Variants in OSBPL10 observed in about 807,000 individuals in gnomAD.
OSBPL10 encodes oxysterol-binding protein-related protein 10.
In OSBPL10, 49 loss-of-function variants were observed where a neutral mutation model predicts 81.7. The ratio of observed to expected loss-of-function variants is 0.60; its 90% confidence interval spans 0.48 to 0.76. The LOEUF (loss-of-function observed/expected upper bound fraction) is 0.76. Among genes scored for constraint, OSBPL10 ranks in the 30% least tolerant of loss-of-function variants. The pLI is 0.00. For missense variants in OSBPL10, 923 were observed against 987.8 expected, an observed-to-expected ratio of 0.93 and a Z score of 0.88; for synonymous variants, 419 against 383.6, an observed-to-expected ratio of 1.09 and a Z score of -1.08.
intron 4 of OSBPL10, among the ~76,000 whole-genome samples, chr3:31,772,508 A>G (rs1404898897): frequency 6.6e-6 from 1 of 152,236 alleles, no homozygotes; most frequent in Admixed American, 6.5e-5. Flanking sequence ...AATGAGGCCC[A>G]AAAGTGGTAA....
chr3:31,676,328 A>G (rs1700474280), intron 8 of OSBPL10, among the ~76,000 whole-genome samples: 1 of 152,060 alleles, frequency 6.6e-6, no homozygotes, highest in Non-Finnish European at 1.5e-5. Context: ...ACATATTAAA[A>G]TTAGACTTAC....
At chr3:31,911,262 A>G (rs1696569220) in intron 1 of OSBPL10, among the ~76,000 whole-genome samples, 2 of 152,176 alleles carry the variant, frequency 1.3e-5, no homozygotes, top group African/African-American at 4.8e-5. Flanking sequence ...CTGATACCAC[A>G]CAAAAGTAGC....
chr3:31,788,769 C>A (rs1364681941), intron 4 of OSBPL10, among the ~76,000 whole-genome samples: 1 of 151,544 alleles, frequency 6.6e-6, no homozygotes, highest in Non-Finnish European at 1.5e-5. Flanking sequence ...CAAAGTGAGA[C>A]CTTGCCTCTA....
chr3:31,712,894 AG>A (rs1158779068), intron 6 of OSBPL10, among the ~76,000 whole-genome samples: 2 of 150,106 alleles, frequency 1.3e-5, no homozygotes, highest in Non-Finnish European at 3.0e-5. Flanking sequence ...CTTGGCCAAA[AG>A]CCTTGGCACC....
At chr3:31,716,955 G>A (rs1224747169) in intron 6 of OSBPL10, 1 of 152,070 alleles carries the variant, frequency 6.6e-6, no homozygotes, top group Non-Finnish European at 1.5e-5. Flanking sequence ...ACTCTCCAAT[G>A]GAAATTTCTG....
rs35027814 is a variant in OSBPL10, at chr3:31,961,047, C to CT, written c.281+19851dup. Among the ~76,000 whole-genome samples, 212 of 112,982 alleles carry CT rather than the reference C, an allele frequency of 1.9e-3. 1 individual carries two copies. Among genetic ancestry groups the CT allele is most frequent in the Admixed American group, 2.7e-3 (28 of 10,290 alleles). 74.1% of individuals were successfully genotyped at this position (112,982 alleles called of 152,430 possible). On this transcript the variant is annotated intron_variant, in intron 1 of 11. Coordinates refer to ENST00000396556, the MANE Select transcript of OSBPL10 (RefSeq NM_017784.5). ...CAATGTTTAACCAAGAAGCTACAGC[C>CT]TTTTTTTTTTTTTTTTTTTTTTTAA...
At chr3:31,792,858 CTCTGTGTGTGTGTGTG>C (rs1469203419) in intron 4 of OSBPL10, among the ~76,000 whole-genome samples, 4 of 86,042 alleles carry the variant, frequency 4.6e-5, no homozygotes, top group African/African-American at 1.2e-4. Context: ...TATCTAGGCA[CTCTGTGTGTGTGTGTG>C]TGTGTGTGTG....
At chr3:32,038,559 T>C (rs1039410733) in intron 2 of OSBPL10, among the ~76,000 whole-genome samples, 9 of 152,122 alleles carry the variant, frequency 5.9e-5, no homozygotes, top group African/African-American at 1.9e-4. Context: ...TGGCCTCAAG[T>C]GATCCATCCA....
rs1048319563 is a variant in OSBPL10, at chr3:31,783,111, T to TTTTA, written c.730-34992_730-34991insTAAA. Among the ~76,000 whole-genome samples the TTTTA allele has an allele frequency of 1.1e-3, 130 of 121,646 alleles. 1 individual carries two copies. The highest frequency in any genetic ancestry group is 4.4e-3 in the African/African-American group (120 of 27,286). The allele number at this position is 121,646 out of a possible 152,430, so 79.8% of individuals were successfully genotyped here. On this transcript the variant is annotated intron_variant, in intron 4 of 11. Coordinates refer to ENST00000396556, the MANE Select transcript of OSBPL10 (RefSeq NM_017784.5). ...GGATATATCTATATCAATATATCTA[T>TTTTA]TATATATATATATATATATATATAT...
At chr3:32,072,056 C>A (rs931901525) in intron 1 of OSBPL10, among the ~76,000 whole-genome samples, 47 of 152,142 alleles carry the variant, frequency 3.1e-4, no homozygotes, top group African/African-American at 1.0e-3. Flanking sequence ...CTCAGCAAGC[C>A]GAACTCATTG....
At chr3:31,925,482 A>T (rs1697046034) in intron 1 of OSBPL10, among the ~76,000 whole-genome samples, 1 of 147,220 alleles carries the variant, frequency 6.8e-6, no homozygotes, top group Admixed American at 6.8e-5. Flanking sequence ...CATGCAAAGC[A>T]TTTTTTTTTT....
intron 3 of OSBPL10, among the ~76,000 whole-genome samples, chr3:31,856,243 CTTTA>C (rs1423640943): frequency 6.6e-6 from 1 of 151,736 alleles, no homozygotes; most frequent in African/African-American, 2.4e-5. Flanking sequence ...AATTGTTGCA[CTTTA>C]TTAAGACAAT....
intron 4 of OSBPL10, among the ~76,000 whole-genome samples, chr3:31,772,938 G>A (rs761039973): frequency 6.6e-6 from 1 of 151,194 alleles, no homozygotes; most frequent in Non-Finnish European, 1.5e-5. Context: ...CTTTCAAAAC[G>A]TGCAAGCCAG....
At chr3:32,022,302 C>A (rs1699369113) in intron 2 of OSBPL10, among the ~76,000 whole-genome samples, 1 of 152,168 alleles carries the variant, frequency 6.6e-6, no homozygotes, top group Non-Finnish European at 1.5e-5. Flanking sequence ...GGGCACCAAA[C>A]AGGGAGAATT....
chr3:31,786,892 C>G (rs146222678), intron 4 of OSBPL10, among the ~76,000 whole-genome samples: 3 of 152,158 alleles, frequency 2.0e-5, no homozygotes, highest in African/African-American at 7.2e-5. Context: ...GCAGCAGCAG[C>G]TTTTTAATCT....
At chr3:31,878,157 G>A (rs1701525836) in intron 2 of OSBPL10, among the ~76,000 whole-genome samples, 1 of 151,940 alleles carries the variant, frequency 6.6e-6, no homozygotes, top group South Asian at 2.1e-4. Context: ...TATTAAAATT[G>A]CCCTCTAAAA....
intron 4 of OSBPL10, among the ~76,000 whole-genome samples, chr3:31,825,805 G>A (rs1001149472): frequency 2.6e-5 from 4 of 152,046 alleles, no homozygotes; most frequent in Non-Finnish European, 4.4e-5. Flanking sequence ...CTAAAACTTC[G>A]TTTGCAAGTA....
At chr3:31,822,740 T>C (rs1700008051) in intron 4 of OSBPL10, among the ~76,000 whole-genome samples, 2 of 151,436 alleles carry the variant, frequency 1.3e-5, no homozygotes, top group South Asian at 4.2e-4. Flanking sequence ...CAAGACCCCA[T>C]ATTTACAAAA....
intron 8 of OSBPL10, among the ~76,000 whole-genome samples, chr3:31,677,341 C>T (rs2125531573): frequency 6.6e-6 from 1 of 152,214 alleles, no homozygotes; most frequent in African/African-American, 2.4e-5. Flanking sequence ...TAAGGGGACG[C>T]AGCTACTGAA....
Sources: allele counts gnomAD v4.1 joint callset (sites outside exome capture counted in the v4.1 genomes callset), GRCh38; gene constraint gnomAD v4.1.1; transcripts MANE v1.5; gene names NCBI Gene and HGNC (gene_info 2026-07-23, HGNC 2026-07-21).